CUZD1: variants seen among roughly 807,000 people sequenced by gnomAD.
The protein encoded by CUZD1 is CUB and zona pellucida-like domain-containing protein 1.
A neutral mutation model predicts 53.1 loss-of-function variants in CUZD1; 42 were observed. The ratio of observed to expected loss-of-function variants is 0.79; its 90% CI spans 0.62 to 1.02. CUZD1 has a LOEUF of 1.02. CUZD1 is among the 50% of genes least tolerant of loss of function. The pLI is 0.00. For missense variants in CUZD1, 670 were observed against 715.7 expected, an observed-to-expected ratio of 0.94 and a Z score of 0.73; for synonymous variants, 238 against 257.2, an observed-to-expected ratio of 0.93 and a Z score of 0.71.
chr10:122,843,270 G>A (rs1359868611), intron 1 of CUZD1, among the ~76,000 whole-genome samples: 1 of 152,120 alleles, frequency 6.6e-6, no homozygotes, highest in Non-Finnish European at 1.5e-5. Context: ...AAAGAAATGA[G>A]GTACAGTCAT....
In CUZD1 at chr10:122,836,957, G is replaced by A; in HGVS notation, c.691C>T (p.Arg231Cys). 3 of 1,614,016 alleles carry A rather than the reference G, an allele frequency of 1.9e-6. No individual in the cohort carries two copies. The highest frequency in any genetic ancestry group is 1.7e-5 in the Admixed American group (1 of 60,008). Residue 231 changes from arginine (R) to cysteine (C), a missense_variant, in exon 5 of 9, where the codon CGT (arginine) becomes TGT (cysteine). Arg to Cys is a radical substitution (Grantham distance 180). Coordinates refer to ENST00000392790, the MANE Select transcript of CUZD1 (RefSeq NM_022034.6). ...NSGLIGQVCG[R>C]VTPTFESSSN... ...GACGATTCGAAGGTGGGAGTCACAC[G>A]GCCACAGACTTGTCCAATCAGGCCA...
At position 122,837,429 on chromosome 10, in the gene CUZD1, T is replaced by A. The variant is rs1171508816; in HGVS notation, c.574A>T (p.Ile192Leu). ...AAAATCTCTTTGAAGTTTAGTTTTA[T>A]CTTGTAATCTTTCTCCACTTGTATG... is the stretch of plus-strand genomic sequence containing the variant. ...WHIQVEKDYK[I>L]KLNFKEIFLE... Residue 192 changes from isoleucine (I) to leucine (L), a missense_variant, in exon 4 of 9, where the codon ATA becomes TTA. Coordinates refer to ENST00000392790, the MANE Select transcript of CUZD1 (RefSeq NM_022034.6). 1.2e-6 allele frequency: 2 copies of A among 1,614,016 alleles called. No individual in the cohort carries two copies. The highest frequency in any genetic ancestry group is 2.7e-5 in the African/African-American group (2 of 74,918).
chr10:122,843,798 TATATATACATAC>T (rs950629717), intron 1 of CUZD1, among the ~76,000 whole-genome samples: 7 of 137,990 alleles, frequency 5.1e-5, no homozygotes, highest in African/African-American at 2.0e-4. Context: ...TCTTCATACA[TATATATACATAC>T]ATATATATAT....
chr10:122,837,170 G>A (rs946053314), intron 4 of CUZD1, 122 bp from the exon 5 acceptor site: 1 of 888,478 alleles, frequency 1.1e-6, no homozygotes. Context: ...TGGTATCTCA[G>A]GTTTACGAAG....
chr10:122,834,005 A>C (rs981568097), intron 7 of CUZD1, 65 bp from the exon 8 acceptor site: 37 of 1,466,796 alleles, frequency 2.5e-5, no homozygotes, highest in Non-Finnish European at 3.3e-5. Context: ...CATACTAAAA[A>C]GTTTTCTCTC....
chr10:122,839,425 A>C (rs980744632), intron 2 of CUZD1, among the ~76,000 whole-genome samples, 194 bp from the exon 3 acceptor site: 15 of 152,240 alleles, frequency 9.9e-5, no homozygotes, highest in Non-Finnish European at 2.1e-4. Context: ...TAATGGGCTC[A>C]GGGAGATGAA....
rs747811930 is a variant in CUZD1 at position 122,839,334 on chromosome 10, C to T, written c.234-103G>A. The T allele has an allele frequency of 4.1e-5, 41 of 989,558 alleles. No homozygotes were observed. The Middle Eastern group carries it at 3.1e-3, about 74-fold the overall frequency. The allele number at this position is 989,558 out of a possible 1,614,324, so 61.3% of individuals were successfully genotyped here. A position where few individuals can be genotyped will look rare whatever the true frequency, so the allele number is the denominator to read the frequency against. On this transcript the variant is annotated intron_variant, in intron 2 of 8. Coordinates refer to ENST00000392790, the MANE Select transcript of CUZD1 (RefSeq NM_022034.6). The stretch of plus-strand genomic sequence containing the variant: ...GGCATGTAAATTTACAAAGTGGTGG[C>T]ACATCTGTTTTCATTTAAACCTCTC...
chr10:122,839,175 G>A lies in CUZD1; in HGVS notation c.290C>T (p.Ser97Phe). 2 of 1,614,138 alleles carry A rather than the reference G, an allele frequency of 1.2e-6. No homozygotes were observed. The highest frequency in any genetic ancestry group is 2.2e-5 in the South Asian group (2 of 91,084). The change falls in exon 3 of 9, where the codon TCC becomes TTC. Residue 97 changes from serine to phenylalanine, a missense_variant. Transcript: ENST00000392790. ...SENIKVFDGT[S>F]SNGPLLGQVC... The stretch of plus-strand genomic sequence containing the variant: ...TTGCCCTAGCAGAGGCCCATTGCTG[G>A]AGGTTCCGTCAAAGACTTTAATGTT...
intron 6 of CUZD1, 69 bp downstream of exon 6, chr10:122,836,109 T>C (rs1021124337): frequency 1.1e-5 from 16 of 1,411,870 alleles, no homozygotes; most frequent in Admixed American, 7.2e-5. Flanking sequence ...TAGCAAGCAT[T>C]ACCCTGACTG....
At position 122,833,652 on chromosome 10, in the gene CUZD1, TGG is replaced by T; in HGVS notation, c.1651+18_1651+19del. On this transcript the variant is annotated intron_variant, in intron 8 of 8. Coordinates refer to ENST00000392790, the MANE Select transcript of CUZD1 (RefSeq NM_022034.6). The stretch of plus-strand genomic sequence containing the variant: ...TGAGCCATGATGTGCTTTTGGATCA[TGG>T]AATAGCTTTTTTCTTACCTGAATTG... 1 of 1,608,242 alleles carries T rather than the reference TGG, an allele frequency of 6.2e-7. No individual in the cohort carries two copies. The highest frequency in any genetic ancestry group is 8.5e-7 in the Non-Finnish European group (1 of 1,176,554).
At chr10:122,834,180 G>A (rs1056971832) in intron 7 of CUZD1, among the ~76,000 whole-genome samples, 2 of 152,120 alleles carry the variant, frequency 1.3e-5, no homozygotes, top group African/African-American at 4.8e-5. Context: ...CTTACGTATT[G>A]GAAGTCAAAC....
intron 1 of CUZD1, among the ~76,000 whole-genome samples, chr10:122,844,044 G>A (rs2950363): frequency 0.51 from 75,611 of 148,604 alleles, 19,641 homozygotes; most frequent in Non-Finnish European, 0.55. Context: ...ATAGAGAGAG[G>A]GACAGACAGA....
At chr10:122,834,584 TA>T in intron 7 of CUZD1, 121 bp downstream of exon 7, 1 of 614,668 alleles carries the variant, frequency 1.6e-6, no homozygotes, top group Non-Finnish European at 2.6e-6. Context: ...AGAATAAATG[TA>T]ATGAAATTTC....
In CUZD1 at chr10:122,837,311, G is replaced by T. The variant is rs190212676; in HGVS notation, c.599+93C>A. On this transcript the variant is annotated intron_variant, in intron 4 of 8. Transcript: ENST00000392790. ...TTCTTTGAAAAGTGCCCATATATGA[G>T]AATTACGTATGATAATTTCTCTTCC... 3.0e-6 allele frequency: 4 copies of T among 1,336,000 alleles called. No individual in the cohort carries two copies. In the African/African-American group the frequency reaches 4.3e-5, roughly 14 times the overall value. The allele number at this position is 1,336,000 out of a possible 1,614,324, so 82.8% of individuals were successfully genotyped here.
chr10:122,833,143 C>T (rs569033568), intron 8 of CUZD1, among the ~76,000 whole-genome samples: 17 of 152,266 alleles, frequency 1.1e-4, no homozygotes, highest in African/African-American at 2.9e-4. Flanking sequence ...TAATTATGAA[C>T]CTTCCTTGAG....
intron 8 of CUZD1, 50 bp from the exon 9 acceptor site, chr10:122,832,500 A>G: frequency 6.4e-7 from 1 of 1,571,282 alleles, no homozygotes; most frequent in Non-Finnish European, 8.7e-7. Context: ...TGTTCACATT[A>G]TAAAATGTTG....
rs781754067 is a variant in CUZD1, at chr10:122,836,821, C to A, written c.817+10G>T. ...GCTCAAAATAGCTAAGAATATAAAA[C>A]ATGACTTACTAGTGTTGATGTTTTC... is the stretch of plus-strand genomic sequence containing the variant. On this transcript the variant is annotated intron_variant, in intron 5 of 8. Coordinates refer to ENST00000392790, the MANE Select transcript of CUZD1 (RefSeq NM_022034.6). The A allele has an allele frequency of 6.3e-7, 1 of 1,597,756 alleles. No homozygotes were observed. Among genetic ancestry groups the A allele is most frequent in the Non-Finnish European group, 8.6e-7 (1 of 1,165,526 alleles).
chr10:122,832,942 T>C (rs1299877474), intron 8 of CUZD1, among the ~76,000 whole-genome samples: 1 of 152,252 alleles, frequency 6.6e-6, no homozygotes, highest in African/African-American at 2.4e-5. Flanking sequence ...AATGCGTTTA[T>C]AAAATTACTG....
At position 122,841,368 on chromosome 10, in the gene CUZD1, G is replaced by A. The variant is rs766183904; in HGVS notation, c.83-40C>T. The stretch of plus-strand genomic sequence containing the variant: ...AGATGGCACTCAGGAAAGTCAACAG[G>A]CCCTTTCCCCTCCCTGAGAGATTAG... On this transcript the variant is annotated intron_variant, in intron 1 of 8. Transcript: ENST00000392790. 8 of 1,548,936 alleles carry A rather than the reference G, an allele frequency of 5.2e-6. No homozygotes were observed. The African/African-American group carries it at 9.6e-5, about 19-fold the overall frequency.
Sources: gnomAD v4.1 joint callset for allele counts (sites outside exome capture counted in the v4.1 genomes callset) on GRCh38, gnomAD v4.1.1 for gene constraint, MANE v1.5 for transcripts, NCBI Gene and HGNC (gene_info 2026-07-23, HGNC 2026-07-21) for gene names.